CNBD1: variants seen among roughly 807,000 people sequenced by gnomAD.
The protein encoded by CNBD1 is cyclic nucleotide-binding domain-containing protein 1.
A neutral mutation model predicts 54.4 loss-of-function variants in CNBD1; 71 were observed. The observed-to-expected ratio is 1.30, with a 90% CI of 1.08 to 1.59. The LOEUF (loss-of-function observed/expected upper bound fraction) is 1.59, where lower values mean the gene tolerates loss of function less well. Ranked by LOEUF, CNBD1 falls within the 40% of genes most tolerant of loss-of-function variation. The pLI is 0.00. For missense variants in CNBD1, 659 were observed against 518.0 expected (o/e 1.27, Z -2.64); for synonymous variants, 182 against 170.7 (o/e 1.07, Z -0.51).
intron 10 of CNBD1, among the ~76,000 whole-genome samples, chr8:87,363,266 C>T (rs992799184): frequency 2.0e-5 from 3 of 151,912 alleles, no homozygotes; most frequent in Non-Finnish European, 4.4e-5. Flanking sequence ...TGGGTTGGTT[C>T]CAAGTATCTG....
At chr8:87,045,982 A>G (rs999279479) in intron 4 of CNBD1, among the ~76,000 whole-genome samples, 19 of 146,652 alleles carry the variant, frequency 1.3e-4, no homozygotes, top group African/African-American at 4.8e-4. Context: ...CGGAGGTTGC[A>G]GTGAGCCAAG....
intron 4 of CNBD1, 157 bp downstream of exon 4, chr8:86,939,911 A>G (rs113207307): frequency 2.1e-6 from 1 of 477,692 alleles, no homozygotes. Flanking sequence ...CTTTGTTTCT[A>G]TATAAATACA....
intron 4 of CNBD1, among the ~76,000 whole-genome samples, chr8:87,057,541 G>A (rs1159900911): frequency 6.6e-6 from 1 of 152,122 alleles, no homozygotes; most frequent in Non-Finnish European, 1.5e-5. Context: ...CACATGTCAT[G>A]TCCTCACATT....
intron 4 of CNBD1, among the ~76,000 whole-genome samples, chr8:86,994,176 C>T (rs1808817355): frequency 6.6e-6 from 1 of 152,336 alleles, no homozygotes; most frequent in African/African-American, 2.4e-5. Flanking sequence ...TGTCACAGCC[C>T]TGGGGCAATG....
chr8:86,977,647 A>G (rs1421648163), intron 4 of CNBD1, among the ~76,000 whole-genome samples: 1 of 152,146 alleles, frequency 6.6e-6, no homozygotes, highest in Non-Finnish European at 1.5e-5. Context: ...AATTCATCAG[A>G]TAAATTCCTG....
At chr8:87,227,054 G>T (rs1006474207) in intron 5 of CNBD1, among the ~76,000 whole-genome samples, 17 of 151,158 alleles carry the variant, frequency 1.1e-4, no homozygotes, top group Non-Finnish European at 1.9e-4. Flanking sequence ...CAGAGACTAG[G>T]ATTGCAACCC....
At chr8:87,071,177 G>A (rs1294702679) in intron 4 of CNBD1, among the ~76,000 whole-genome samples, 1 of 151,946 alleles carries the variant, frequency 6.6e-6, no homozygotes, top group Non-Finnish European at 1.5e-5. Flanking sequence ...ATGTATTTTT[G>A]CATATTTTCA....
chr8:87,027,622 G>C (rs1016155383), intron 4 of CNBD1, among the ~76,000 whole-genome samples: 5 of 152,106 alleles, frequency 3.3e-5, no homozygotes, highest in Non-Finnish European at 5.9e-5. Context: ...AGACCACTGG[G>C]TCCAAAAAGT....
At chr8:87,136,426 TAGAA>T (rs1264827002) in intron 4 of CNBD1, among the ~76,000 whole-genome samples, 8 of 147,608 alleles carry the variant, frequency 5.4e-5, no homozygotes, top group African/African-American at 2.0e-4. Context: ...TTTATAGGCT[TAGAA>T]AGCTATAATT....
chr8:87,077,190 C>G (rs1250135778), intron 4 of CNBD1, among the ~76,000 whole-genome samples: 1 of 152,132 alleles, frequency 6.6e-6, no homozygotes, highest in Non-Finnish European at 1.5e-5. Context: ...TCGCCTTAAT[C>G]AGTTTGGGCT....
chr8:87,343,158 G>C (rs62526777), intron 8 of CNBD1, among the ~76,000 whole-genome samples: 1 of 152,202 alleles, frequency 6.6e-6, no homozygotes, highest in East Asian at 1.9e-4. Flanking sequence ...GCCCAACCAC[G>C]CAGGCAGTCA....
intron 1 of CNBD1, among the ~76,000 whole-genome samples, chr8:86,886,647 G>A (rs1369812425): frequency 6.6e-6 from 1 of 152,138 alleles, no homozygotes; most frequent in African/African-American, 2.4e-5. Context: ...AGTAAAAACA[G>A]ATAAGTTTGG....
intron 2 of CNBD1, among the ~76,000 whole-genome samples, chr8:87,415,506 T>C (rs1807820246): frequency 6.6e-6 from 1 of 152,186 alleles, no homozygotes; most frequent in East Asian, 1.9e-4. Context: ...TGCATCCTTG[T>C]AATTCTTTGA....
At chr8:87,138,725 A>G (rs917859498) in intron 4 of CNBD1, among the ~76,000 whole-genome samples, 1 of 152,080 alleles carries the variant, frequency 6.6e-6, no homozygotes, top group Non-Finnish European at 1.5e-5. Context: ...GTTTATAACT[A>G]TCTGTCTTGG....
At chr8:87,338,432 T>G (rs940634777) in intron 8 of CNBD1, among the ~76,000 whole-genome samples, 3 of 152,132 alleles carry the variant, frequency 2.0e-5, no homozygotes, top group Admixed American at 6.6e-5. Context: ...GGATAATTTT[T>G]CAGGTTACAG....
chr8:86,900,013 C>A (rs1187079753), intron 2 of CNBD1, among the ~76,000 whole-genome samples: 1 of 152,120 alleles, frequency 6.6e-6, no homozygotes, highest in Non-Finnish European at 1.5e-5. Context: ...CACTTTCCCC[C>A]CTCTTTTCTT....
intron 5 of CNBD1, among the ~76,000 whole-genome samples, chr8:87,231,392 G>C (rs569942714): frequency 6.6e-5 from 10 of 152,204 alleles, no homozygotes; most frequent in African/African-American, 2.2e-4. Context: ...ACAAAGACTA[G>C]TATAGTCATG....
At chr8:87,343,336 G>T (rs187814220) in intron 8 of CNBD1, among the ~76,000 whole-genome samples, 2 of 151,996 alleles carry the variant, frequency 1.3e-5, no homozygotes, top group African/African-American at 4.8e-5. Context: ...ATCATCACAG[G>T]GTCCTGAGGT....
chr8:87,360,372 A>G (rs977310988), intron 10 of CNBD1, among the ~76,000 whole-genome samples: 13 of 151,806 alleles, frequency 8.6e-5, no homozygotes, highest in Admixed American at 4.6e-4. Context: ...TCTTTTTTTA[A>G]TCTATATGCA....
Sources: gnomAD v4.1 joint callset for allele counts (sites outside exome capture counted in the v4.1 genomes callset) on GRCh38, gnomAD v4.1.1 for gene constraint, MANE v1.5 for transcripts, NCBI Gene and HGNC (gene_info 2026-07-23, HGNC 2026-07-21) for gene names.